Variants in SGCD observed in about 807,000 individuals in gnomAD.
The protein encoded by SGCD is sarcoglycan delta.
Under a neutral mutation model 36.6 loss-of-function variants are expected in SGCD, and 18 were observed. That is an observed-to-expected ratio of 0.49 (90% CI 0.34 to 0.73). The LOEUF (loss-of-function observed/expected upper bound fraction) is 0.73. Among genes scored for constraint, SGCD ranks in the 30% least tolerant of loss-of-function variants. The pLI is 0.01. For missense variants in SGCD, 387 were observed against 346.7 expected, an observed-to-expected ratio of 1.12 and a Z score of -0.92; for synonymous variants, 133 against 130.6, an observed-to-expected ratio of 1.02 and a Z score of -0.12.
chr5:156,640,020 G>A (rs1340027184), intron 6 of SGCD, among the ~76,000 whole-genome samples: 2 of 151,942 alleles, frequency 1.3e-5, no homozygotes, highest in Non-Finnish European at 2.9e-5. Flanking sequence ...CCCAGTAATA[G>A]CACTTCCCCA....
the SGCD span, among the ~76,000 whole-genome samples, chr5:155,790,905 C>A: frequency 6.6e-6 from 1 of 152,106 alleles, no homozygotes; most frequent in Non-Finnish European, 1.5e-5. Flanking sequence ...ACCTATCTGT[C>A]TTTCATGACA....
intron 4 of SGCD, among the ~76,000 whole-genome samples, chr5:156,525,056 A>G (rs1165076754): frequency 6.6e-6 from 1 of 152,084 alleles, no homozygotes; most frequent in African/African-American, 2.4e-5. Context: ...TCTCTTTAAG[A>G]TAATGATTTT....
chr5:155,841,864 C>T, the SGCD span, among the ~76,000 whole-genome samples: 1 of 152,126 alleles, frequency 6.6e-6, no homozygotes, highest in African/African-American at 2.4e-5. Context: ...TTCCCTCTCC[C>T]AGTCCTGGCC....
intron 1 of SGCD, among the ~76,000 whole-genome samples, chr5:155,977,545 A>T (rs997870058): frequency 3.9e-5 from 6 of 152,186 alleles, no homozygotes; most frequent in Non-Finnish European, 8.8e-5. Flanking sequence ...ATTTTTCCCT[A>T]TTAATGTGAT....
In SGCD at chr5:156,487,339, G is replaced by T. The variant is rs976003268; in HGVS notation, c.193-21262G>T. Among the ~76,000 whole-genome samples the T allele has an allele frequency of 2.0e-5, 3 of 152,164 alleles. 1 individual carries two copies. Among genetic ancestry groups the T allele is most frequent in the East Asian group, 3.8e-4 (2 of 5,196 alleles). ...ATCCTACTCAATCAACACTATAGAT[G>T]CATGTAGAGGAAAAAATCTTTCCCT... On this transcript the variant is annotated intron_variant, in intron 3 of 8. Transcript: ENST00000337851.
intron 1 of SGCD, among the ~76,000 whole-genome samples, chr5:155,875,258 C>T (rs942873019): frequency 6.6e-6 from 1 of 152,074 alleles, no homozygotes; most frequent in African/African-American, 2.4e-5. Context: ...GAAGGAGGTA[C>T]AAGTAAACTC....
chr5:156,138,962 T>C (rs1231752619), intron 3 of SGCD, among the ~76,000 whole-genome samples: 1 of 152,246 alleles, frequency 6.6e-6, no homozygotes, highest in Non-Finnish European at 1.5e-5. Context: ...TTGTACTTAT[T>C]GGCCATTTGT....
At chr5:156,196,153 C>T (rs1486802752) in intron 3 of SGCD, among the ~76,000 whole-genome samples, 1 of 152,122 alleles carries the variant, frequency 6.6e-6, no homozygotes, top group Admixed American at 6.6e-5. Context: ...TATATTGGGT[C>T]ACTACCTCTG....
chr5:156,347,049 G>A lies in SGCD; in HGVS notation c.192+2372G>A, dbSNP rs539211173. 3.9e-4 allele frequency among the ~76,000 whole-genome samples: 59 copies of A among 152,034 alleles called. No homozygotes were observed. In the South Asian group the frequency reaches 8.1e-3, roughly 21 times the overall value. On this transcript the variant is annotated intron_variant, in intron 3 of 8. Coordinates refer to ENST00000337851, the MANE Select transcript of SGCD (RefSeq NM_000337.6). The stretch of plus-strand genomic sequence containing the variant: ...CCTGACCTCGTAATCCACCCATCTC[G>A]GCCTCCCAAAGTGCTGGGATTACAG...
chr5:156,029,163 G>T (rs1435958513), intron 1 of SGCD, among the ~76,000 whole-genome samples: 1 of 152,100 alleles, frequency 6.6e-6, no homozygotes, highest in East Asian at 1.9e-4. Context: ...TCAAGAAAAT[G>T]CTGTGTTTAA....
chr5:156,161,430 G>C (rs141204923), intron 3 of SGCD, among the ~76,000 whole-genome samples: 25 of 151,766 alleles, frequency 1.6e-4, no homozygotes, highest in Non-Finnish European at 2.9e-5. Flanking sequence ...AGTGCTTACC[G>C]CTTTCCAGTC....
Position 156,761,682 on chromosome 5 carries a change from T to C in SGCD, c.*2292T>C, listed in dbSNP as rs903699198. The C allele has an allele frequency of 1.3e-5, 2 of 152,192 alleles. No individual in the cohort carries two copies. Among genetic ancestry groups the C allele is most frequent in the African/African-American group, 4.8e-5 (2 of 41,450 alleles). The allele number at this position is 152,192 out of a possible 1,614,324, so 9.4% of individuals were successfully genotyped here. Reference sequence around the variant, plus strand: ...CATCTGAAGTTCATTAATCTTTAGATGACAAAAAAGCAAAAAGTTCCCAGA... The same window carrying C: ...CATCTGAAGTTCATTAATCTTTAGACGACAAAAAAGCAAAAAGTTCCCAGA... On this transcript the variant is annotated 3_prime_UTR_variant, in exon 9 of 9. Coordinates refer to ENST00000337851, the MANE Select transcript of SGCD (RefSeq NM_000337.6).
rs1484325993 is a variant in SGCD, at chr5:156,229,222, T to TTATATACATATACATACA, written c.-43-100305_-43-100288dup. ...CATGTGAGTTAATATTTAATAAACTTTATATACATATACATACATATATAT... is the reference window on the plus strand; with the variant it reads ...CATGTGAGTTAATATTTAATAAACTTTATATACATATACATACATATATACATATACATACATATATAT... On this transcript the variant is annotated intron_variant, in intron 3 of 9. Transcript: ENST00000517913. Among the ~76,000 whole-genome samples, 273 of 112,710 alleles carry TTATATACATATACATACA rather than the reference T, an allele frequency of 2.4e-3. 2 individuals carry two copies. Among genetic ancestry groups the TTATATACATATACATACA allele is most frequent in the African/African-American group, 8.5e-3 (266 of 31,262 alleles). The allele number at this position is 112,710 out of a possible 152,430, so 73.9% of individuals were successfully genotyped here.
chr5:155,786,599 G>A, the SGCD span, among the ~76,000 whole-genome samples: 2,574 of 152,198 alleles, frequency 0.017, 80 homozygotes, highest in African/African-American at 0.057. Context: ...GTCAGGTTAA[G>A]GCAAAATATG....
intron 3 of SGCD, among the ~76,000 whole-genome samples, chr5:156,153,344 G>A (rs1467362521): frequency 2.6e-5 from 4 of 151,340 alleles, no homozygotes; most frequent in East Asian, 1.9e-4. Flanking sequence ...TTTAACGTGG[G>A]CCTTGGTTTT....
In SGCD at chr5:156,113,324, T is replaced by C. The variant is rs10056339; in HGVS notation, c.-281-4554T>C. Among the ~76,000 whole-genome samples, 289 of 152,266 alleles carry C rather than the reference T, an allele frequency of 1.9e-3. 2 individuals carry two copies. Among genetic ancestry groups the C allele is most frequent in the African/African-American group, 6.6e-3 (274 of 41,556 alleles). On this transcript the variant is annotated intron_variant, in intron 1 of 9. Coordinates refer to the SGCD transcript ENST00000517913. The stretch of plus-strand genomic sequence containing the variant: ...CTGCAAAACTGGAGGGAAGATTTTT[T>C]TCCTTTGCATTTATTTATTTATTTA...
At chr5:156,462,286 CAA>C (rs990300520) in intron 3 of SGCD, among the ~76,000 whole-genome samples, 1 of 152,086 alleles carries the variant, frequency 6.6e-6, no homozygotes, top group Non-Finnish European at 1.5e-5. Context: ...TTTAAAATTC[CAA>C]AGTTAACCAA....
chr5:156,504,520 T>C (rs961371353), intron 3 of SGCD, among the ~76,000 whole-genome samples: 1 of 151,766 alleles, frequency 6.6e-6, no homozygotes, highest in African/African-American at 2.4e-5. Flanking sequence ...TCATGAATAT[T>C]TGCCTGCACT....
At chr5:156,667,905 T>C (rs1032156517) in intron 7 of SGCD, among the ~76,000 whole-genome samples, 1 of 152,192 alleles carries the variant, frequency 6.6e-6, no homozygotes, top group African/African-American at 2.4e-5. Flanking sequence ...CCAAAAATTC[T>C]CTTTCAATTA....
Sources: gnomAD v4.1 joint callset for allele counts (sites outside exome capture counted in the v4.1 genomes callset) on GRCh38, gnomAD v4.1.1 for gene constraint, MANE v1.5 for transcripts, NCBI Gene and HGNC (gene_info 2026-07-23, HGNC 2026-07-21) for gene names.